The following MSI2 variants were observed in gnomAD, a reference collection of about 807,000 sequenced individuals.
The protein encoded by MSI2 is musashi RNA binding protein 2, also known as RNA-binding protein Musashi homolog 2.
A neutral mutation model predicts 45.6 loss-of-function variants in MSI2; 17 were observed. That is an observed-to-expected ratio of 0.37 (90% CI 0.26 to 0.56). The LOEUF (loss-of-function observed/expected upper bound fraction) is 0.56. MSI2 is among the 20% of genes least tolerant of loss of function. The probability of loss-of-function intolerance (pLI) is 0.77; values close to 1 mark genes in which losing one functional copy is unlikely to be tolerated. For synonymous variants in MSI2, 156 were observed against 158.2 expected, an observed-to-expected ratio of 0.99 and a Z score of 0.11; for missense variants, 293 against 444.2, an observed-to-expected ratio of 0.66 and a Z score of 3.06.
At chr17:57,698,277 G>A in the MSI2 span, among the ~76,000 whole-genome samples, 2 of 152,198 alleles carry the variant, frequency 1.3e-5, no homozygotes, top group Non-Finnish European at 2.9e-5. Context: ...ATGTACAGCA[G>A]AAAAGAAGGC....
At chr17:57,567,477 T>C (rs2087763662) in intron 7 of MSI2, among the ~76,000 whole-genome samples, 1 of 152,256 alleles carries the variant, frequency 6.6e-6, no homozygotes, top group African/African-American at 2.4e-5. Context: ...CAGGCCGCCA[T>C]GTTGTACCTT....
chr17:57,459,013 A>G (rs1476264802), intron 6 of MSI2, among the ~76,000 whole-genome samples: 1 of 152,232 alleles, frequency 6.6e-6, no homozygotes, highest in African/African-American at 2.4e-5. Context: ...GCTCGGAAGA[A>G]TGCCTCCCTC....
At chr17:57,404,685 A>G (rs970934894) in intron 6 of MSI2, among the ~76,000 whole-genome samples, 1 of 152,028 alleles carries the variant, frequency 6.6e-6, no homozygotes, top group Non-Finnish European at 1.5e-5. Context: ...CAGCTTCTCC[A>G]ACTGTTTATT....
At chr17:57,524,275 T>C (rs2086653830) in intron 6 of MSI2, among the ~76,000 whole-genome samples, 1 of 152,188 alleles carries the variant, frequency 6.6e-6, no homozygotes, top group African/African-American at 2.4e-5. Flanking sequence ...AAGCCCAGAT[T>C]CAAGGGATGA....
chr17:57,433,372 A>G (rs2084634740), intron 6 of MSI2, among the ~76,000 whole-genome samples: 2 of 152,206 alleles, frequency 1.3e-5, no homozygotes, highest in Admixed American at 1.3e-4. Flanking sequence ...AGTCGAACCC[A>G]GGACACACAT....
chr17:57,648,916 G>A (rs1910905979), intron 10 of MSI2, among the ~76,000 whole-genome samples: 1 of 152,148 alleles, frequency 6.6e-6, no homozygotes, highest in South Asian at 2.1e-4. Flanking sequence ...ACTCTGCCAG[G>A]CGTCTCTCCC....
chr17:57,387,184 A>G (rs982460925), intron 5 of MSI2, among the ~76,000 whole-genome samples: 2 of 151,932 alleles, frequency 1.3e-5, no homozygotes, highest in Non-Finnish European at 2.9e-5. Context: ...TTTCTTTTTC[A>G]TTGTTTGGTT....
chr17:57,406,158 T>C (rs2084077023), intron 6 of MSI2, among the ~76,000 whole-genome samples: 1 of 152,210 alleles, frequency 6.6e-6, no homozygotes, highest in East Asian at 1.9e-4. Context: ...TCTGTGTTCC[T>C]GATTCCATAC....
chr17:57,542,523 A>G (rs1567888861), intron 7 of MSI2, among the ~76,000 whole-genome samples: 1 of 152,222 alleles, frequency 6.6e-6, no homozygotes, highest in African/African-American at 2.4e-5. Context: ...CTGGTTGTAC[A>G]CTAAAATCCC....
chr17:57,419,331 A>G (rs2084352906), intron 6 of MSI2, among the ~76,000 whole-genome samples: 1 of 151,720 alleles, frequency 6.6e-6, no homozygotes, highest in East Asian at 1.9e-4. Context: ...CAGTAGAGGT[A>G]GAAAACTTGG....
chr17:57,471,086 A>T (rs1718895895), intron 6 of MSI2, among the ~76,000 whole-genome samples: 1 of 152,066 alleles, frequency 6.6e-6, no homozygotes, highest in African/African-American at 2.4e-5. Context: ...CCCATGTGGC[A>T]TGTAACCCTG....
chr17:57,472,437 C>CA (rs2085455758), intron 6 of MSI2, among the ~76,000 whole-genome samples: 4 of 151,748 alleles, frequency 2.6e-5, no homozygotes, highest in Admixed American at 2.0e-4. Context: ...TCCCAGAAGA[C>CA]AAAAAACCTA....
At chr17:57,278,890 T>A (rs1298156478) in intron 5 of MSI2, 2 of 152,232 alleles carry the variant, frequency 1.3e-5, no homozygotes, top group Non-Finnish European at 2.9e-5. Context: ...ATGCCTTGCG[T>A]ATGCAGCAGG....
chr17:57,468,531 A>AC (rs920294002), intron 6 of MSI2, among the ~76,000 whole-genome samples: 45 of 151,170 alleles, frequency 3.0e-4, no homozygotes, highest in African/African-American at 1.0e-3. Context: ...AAAAAAAAAA[A>AC]AAAAAAACAA....
chr17:57,292,812 G>A (rs546478798), intron 5 of MSI2, among the ~76,000 whole-genome samples: 34 of 152,230 alleles, frequency 2.2e-4, no homozygotes, highest in African/African-American at 7.0e-4. Flanking sequence ...TTGCTTTAGG[G>A]GCCTAAGACT....
chr17:57,477,688 C>T (rs1210630604), intron 6 of MSI2, among the ~76,000 whole-genome samples: 2 of 152,154 alleles, frequency 1.3e-5, no homozygotes, highest in Non-Finnish European at 2.9e-5. Context: ...CCAGGGAGGG[C>T]CCCAAGAGAA....
chr17:57,454,394 C>T (rs2085073246), intron 6 of MSI2, among the ~76,000 whole-genome samples: 2 of 150,644 alleles, frequency 1.3e-5, no homozygotes, highest in Admixed American at 1.3e-4. Flanking sequence ...GTCTGTCCTC[C>T]TTCCTTCCTT....
downstream of MSI2, among the ~76,000 whole-genome samples, chr17:57,689,053 A>G (rs17658074): frequency 0.037 from 5,687 of 152,268 alleles, 115 homozygotes; most frequent in Middle Eastern, 0.095. Flanking sequence ...TAATTTTTCA[A>G]AAGAAGTGTG....
chr17:57,583,614 C>A (rs973139675), intron 7 of MSI2, among the ~76,000 whole-genome samples: 1 of 151,632 alleles, frequency 6.6e-6, no homozygotes, highest in African/African-American at 2.4e-5. Context: ...ACCACAGGCA[C>A]GTGCCACGAC....
Sources: gnomAD v4.1 joint callset for allele counts (sites outside exome capture counted in the v4.1 genomes callset) on GRCh38, gnomAD v4.1.1 for gene constraint, MANE v1.5 for transcripts, NCBI Gene and HGNC (gene_info 2026-07-23, HGNC 2026-07-21) for gene names.